SDK1: variants seen among roughly 807,000 people sequenced by gnomAD.
SDK1 encodes protein sidekick-1.
SDK1 carries 157 observed loss-of-function variants against 245.5 expected under a neutral mutation model. The observed-to-expected ratio is 0.64, with a 90% confidence interval of 0.56 to 0.73. The LOEUF (loss-of-function observed/expected upper bound fraction) is 0.73. Among genes scored for constraint, SDK1 ranks in the 30% least tolerant of loss-of-function variants. The pLI, the probability that SDK1 is intolerant of heterozygous loss-of-function variation, is 0.00. For synonymous variants in SDK1, 1,647 were observed against 1,278.5 expected (o/e 1.29, Z -6.15); for missense variants, 3,583 against 3,002.3 (o/e 1.19, Z -4.52).
At chr7:3,511,045 C>G (rs939942663) in intron 1 of SDK1, among the ~76,000 whole-genome samples, 1 of 152,144 alleles carries the variant, frequency 6.6e-6, no homozygotes, top group Non-Finnish European at 1.5e-5. Context: ...TCACAGCAGA[C>G]TAGACAAATG....
In SDK1 at chr7:4,220,269, G is replaced by C. The variant is rs757182011; in HGVS notation, c.5700G>C (p.Glu1900Asp). The C allele has an allele frequency of 3.7e-6, 6 of 1,612,514 alleles. No homozygotes were observed. Among genetic ancestry groups the C allele is most frequent in the South Asian group, 1.1e-5 (1 of 90,944 alleles). Residue 1900 changes from glutamate (E) to aspartate (D), a missense_variant and splice_region_variant, in exon 39 of 45, where the codon GAG (glutamate) becomes GAC (aspartate). Coordinates refer to ENST00000404826, the MANE Select transcript of SDK1 (RefSeq NM_152744.4). ...CCAATATCACAGCCGGGCCAGCCGA[G>C]GGTAAGTGGAACTCCAGGGGCAGAC... ...LQANITAGPAEGSPGSPRDVL... is the reference protein window; with the variant it reads ...LQANITAGPADGSPGSPRDVL...
At chr7:4,140,208 C>G (rs895355443) in intron 28 of SDK1, among the ~76,000 whole-genome samples, 8 of 152,202 alleles carry the variant, frequency 5.3e-5, no homozygotes, top group African/African-American at 1.9e-4. Context: ...TGCTCGTCCC[C>G]CTCTCAGATC....
chr7:4,143,237 G>A (rs931278384), intron 28 of SDK1, among the ~76,000 whole-genome samples: 1 of 152,224 alleles, frequency 6.6e-6, no homozygotes, highest in African/African-American at 2.4e-5. Context: ...CCTGTGGACA[G>A]GTCCGGGGAA....
chr7:3,637,086 C>T (rs900556460), intron 2 of SDK1, among the ~76,000 whole-genome samples: 20 of 148,352 alleles, frequency 1.3e-4, no homozygotes, highest in East Asian at 4.3e-4. Context: ...TGCGTGCGCG[C>T]GTGTGTGTGT....
At chr7:3,455,289 A>G (rs924467077) in intron 1 of SDK1, among the ~76,000 whole-genome samples, 5 of 150,712 alleles carry the variant, frequency 3.3e-5, no homozygotes, top group African/African-American at 1.2e-4. Context: ...TTAAATTTTG[A>G]TAGATCTAAT....
At chr7:4,099,619 G>C (rs1782404484) in intron 22 of SDK1, among the ~76,000 whole-genome samples, 1 of 132,284 alleles carries the variant, frequency 7.6e-6, no homozygotes, top group African/African-American at 2.8e-5. Flanking sequence ...CAGGTGAGCT[G>C]CTTGCTGTCT....
intron 4 of SDK1, among the ~76,000 whole-genome samples, chr7:3,718,737 G>C (rs1785277106): frequency 6.6e-6 from 1 of 151,228 alleles, no homozygotes; most frequent in Non-Finnish European, 1.5e-5. Context: ...TGGGAACCAG[G>C]CAAGAATGAC....
At chr7:3,626,205 G>A (rs1489178529) in intron 2 of SDK1, among the ~76,000 whole-genome samples, 1 of 151,974 alleles carries the variant, frequency 6.6e-6, no homozygotes, top group Non-Finnish European at 1.5e-5. Context: ...CTCCCAAAGT[G>A]CTGAGGTTAC....
chr7:3,786,473 C>G (rs1033075619), intron 4 of SDK1, among the ~76,000 whole-genome samples: 3 of 152,188 alleles, frequency 2.0e-5, no homozygotes, highest in African/African-American at 7.2e-5. Flanking sequence ...TAGCAACGGT[C>G]ATACATTGTG....
chr7:3,343,579 T>C (rs1401484418), intron 1 of SDK1, among the ~76,000 whole-genome samples: 1 of 152,186 alleles, frequency 6.6e-6, no homozygotes, highest in Non-Finnish European at 1.5e-5. Flanking sequence ...CTATCTTGGC[T>C]GTATCGATGT....
At chr7:4,150,051 G>T (rs551937462) in intron 30 of SDK1, among the ~76,000 whole-genome samples, 1 of 152,102 alleles carries the variant, frequency 6.6e-6, no homozygotes, top group East Asian at 1.9e-4. Flanking sequence ...CAATAGCAGC[G>T]GCGTTCTGTG....
chr7:4,082,883 AGTGCT>A (rs755385585), intron 22 of SDK1, among the ~76,000 whole-genome samples: 1 of 152,096 alleles, frequency 6.6e-6, no homozygotes, highest in Non-Finnish European at 1.5e-5. Flanking sequence ...GGCCTCCCAA[AGTGCT>A]GTGATTATAG....
intron 1 of SDK1, among the ~76,000 whole-genome samples, chr7:3,565,946 G>C (rs1377916238): frequency 2.0e-5 from 3 of 152,150 alleles, no homozygotes; most frequent in Non-Finnish European, 4.4e-5. Flanking sequence ...AACTATAAGA[G>C]TCAATTTATT....
intron 1 of SDK1, among the ~76,000 whole-genome samples, chr7:3,555,660 C>T (rs1050001318): frequency 3.9e-5 from 6 of 152,024 alleles, no homozygotes; most frequent in Non-Finnish European, 7.4e-5. Flanking sequence ...AAAATATTTG[C>T]AAACCATCCA....
chr7:3,350,365 A>G (rs1780627466), intron 1 of SDK1, among the ~76,000 whole-genome samples: 1 of 152,220 alleles, frequency 6.6e-6, no homozygotes, highest in African/African-American at 2.4e-5. Context: ...TGATGCCATG[A>G]ACTTGTGAAG....
chr7:4,141,876 C>T (rs1224604903), intron 28 of SDK1, among the ~76,000 whole-genome samples: 3 of 152,156 alleles, frequency 2.0e-5, no homozygotes, highest in Non-Finnish European at 4.4e-5. Context: ...CCTGCCTCAG[C>T]CTCCCGAGCA....
chr7:4,083,644 C>A (rs1226724410), intron 22 of SDK1, among the ~76,000 whole-genome samples: 5 of 90,100 alleles, frequency 5.5e-5, no homozygotes, highest in Admixed American at 1.2e-4. Flanking sequence ...TTCCTTCCTT[C>A]CTTCCTCCAC....
At chr7:3,661,876 A>C (rs1783371270) in intron 4 of SDK1, among the ~76,000 whole-genome samples, 1 of 152,098 alleles carries the variant, frequency 6.6e-6, no homozygotes, top group African/African-American at 2.4e-5. Context: ...CACCTGCCTC[A>C]TAGCATGGCT....
At chr7:3,320,282 T>TA (rs1366765725) in intron 1 of SDK1, among the ~76,000 whole-genome samples, 4 of 139,398 alleles carry the variant, frequency 2.9e-5, no homozygotes, top group Admixed American at 2.2e-4. Context: ...TTTTTTCTAT[T>TA]TTTTTCCCCC....
Sources: allele counts gnomAD v4.1 joint callset (sites outside exome capture counted in the v4.1 genomes callset), GRCh38; gene constraint gnomAD v4.1.1; transcripts MANE v1.5; gene names NCBI Gene and HGNC (gene_info 2026-07-23, HGNC 2026-07-21).